Variants in TRPM3 observed in about 807,000 individuals in gnomAD.
TRPM3 encodes transient receptor potential cation channel subfamily M member 3, also known as long transient receptor potential channel 3.
A neutral mutation model predicts 181.2 loss-of-function variants in TRPM3; 77 were observed. The ratio of observed to expected loss-of-function variants is 0.42; its 90% CI spans 0.35 to 0.51. TRPM3 has a LOEUF of 0.51. Ranked by LOEUF, TRPM3 falls within the 20% of genes least tolerant of loss-of-function variation. TRPM3 has a pLI of 0.01. For missense variants in TRPM3, 1,759 were observed against 2,196.7 expected (o/e 0.80, Z 3.98); for synonymous variants, 745 against 796.4 (o/e 0.94, Z 1.09).
chr9:71,376,519 G>A (rs926374784), intron 1 of TRPM3, among the ~76,000 whole-genome samples: 1 of 151,848 alleles, frequency 6.6e-6, no homozygotes, highest in Admixed American at 6.6e-5. Context: ...TCCTAGTTAG[G>A]ATAATAGAAT....
chr9:71,302,341 A>C (rs925288161), intron 1 of TRPM3, among the ~76,000 whole-genome samples: 2 of 152,224 alleles, frequency 1.3e-5, no homozygotes, highest in African/African-American at 2.4e-5. Context: ...AGGCCAACAG[A>C]CTATTTGAGT....
At chr9:71,133,748 A>C (rs1274095732) in intron 1 of TRPM3, among the ~76,000 whole-genome samples, 1 of 152,310 alleles carries the variant, frequency 6.6e-6, no homozygotes, top group East Asian at 1.9e-4. Flanking sequence ...ATTTACAAGA[A>C]ATTTTTAACA....
intron 9 of TRPM3, among the ~76,000 whole-genome samples, chr9:70,660,786 T>A (rs897197173): frequency 4.0e-5 from 6 of 151,888 alleles, no homozygotes; most frequent in African/African-American, 1.5e-4. Flanking sequence ...CAAGATTGAA[T>A]AAGTATTAAA....
intron 1 of TRPM3, among the ~76,000 whole-genome samples, chr9:71,432,187 G>A (rs968169252): frequency 6.6e-6 from 1 of 152,064 alleles, no homozygotes; most frequent in Non-Finnish European, 1.5e-5. Context: ...GGACCATGAT[G>A]TTATCATACC....
intron 6 of TRPM3, among the ~76,000 whole-genome samples, chr9:70,813,565 C>T (rs2092363291): frequency 6.6e-6 from 1 of 152,116 alleles, no homozygotes; most frequent in Non-Finnish European, 1.5e-5. Context: ...TGTTCATTAT[C>T]TGGGGTGATG....
chr9:70,856,811 GT>G (rs1412868363), intron 3 of TRPM3, among the ~76,000 whole-genome samples: 1 of 152,196 alleles, frequency 6.6e-6, no homozygotes, highest in Admixed American at 6.5e-5. Flanking sequence ...AGAGAATTAT[GT>G]GGGTGACTTG....
intron 1 of TRPM3, among the ~76,000 whole-genome samples, chr9:71,106,942 A>G (rs2069737885): frequency 6.6e-6 from 1 of 152,122 alleles, no homozygotes; most frequent in Non-Finnish European, 1.5e-5. Flanking sequence ...GCAGTGGCTG[A>G]GCAATTCCCA....
chr9:70,675,144 G>A lies in TRPM3; in HGVS notation c.1345+6362C>T, dbSNP rs190012462. ...AGACAGAGTTTAGCTCTTGTCACCC[G>A]ATCTGGAGTGCAATGGCATGATCTC... On this transcript the variant is annotated intron_variant, in intron 9 of 25. Coordinates refer to ENST00000677713, the MANE Select transcript of TRPM3 (RefSeq NM_001366145.2). 5.3e-5 allele frequency among the ~76,000 whole-genome samples: 8 copies of A among 151,858 alleles called. No homozygotes were observed. The East Asian group carries it at 9.7e-4, about 18-fold the overall frequency.
At position 71,175,692 on chromosome 9, in the gene TRPM3, C is replaced by G. The variant is rs62546789; in HGVS notation, c.183+270961G>C. 3.2e-3 allele frequency among the ~76,000 whole-genome samples: 491 copies of G among 152,158 alleles called. 2 individuals carry two copies. Among genetic ancestry groups the G allele is most frequent in the Middle Eastern group, 0.01 (3 of 294 alleles). ...AGAAAGTCAGGTGACAGACGGGTCGCATAGGTTTTCAACATGGAGATCAAA... is the reference window on the plus strand; with the variant it reads ...AGAAAGTCAGGTGACAGACGGGTCGGATAGGTTTTCAACATGGAGATCAAA... On this transcript the variant is annotated intron_variant, in intron 1 of 24. Coordinates refer to the TRPM3 transcript ENST00000357533.
chr9:70,574,252 G>A (rs534808148), intron 22 of TRPM3, among the ~76,000 whole-genome samples: 13 of 152,216 alleles, frequency 8.5e-5, no homozygotes, highest in South Asian at 2.1e-4. Flanking sequence ...GCACAACTTG[G>A]CCCTGGTCTG....
intron 1 of TRPM3, among the ~76,000 whole-genome samples, chr9:71,335,163 G>A (rs10116060): frequency 4.0e-3 from 614 of 152,222 alleles, no homozygotes; most frequent in African/African-American, 0.014. Flanking sequence ...TAAGTTTGCA[G>A]GCATGAAACA....
At chr9:70,988,900 T>C (rs1408986524) in intron 1 of TRPM3, among the ~76,000 whole-genome samples, 1 of 152,150 alleles carries the variant, frequency 6.6e-6, no homozygotes, top group Non-Finnish European at 1.5e-5. Context: ...AAGGATTTCC[T>C]TTCCACACTA....
chr9:70,626,579 G>A (rs189478836), intron 12 of TRPM3, among the ~76,000 whole-genome samples: 1 of 152,286 alleles, frequency 6.6e-6, no homozygotes, highest in Admixed American at 6.5e-5. Context: ...GCTGGACTTT[G>A]TCTCACCTAC....
intron 19 of TRPM3, among the ~76,000 whole-genome samples, chr9:70,603,940 G>A (rs140574350): frequency 6.6e-6 from 1 of 152,304 alleles, no homozygotes; most frequent in Non-Finnish European, 1.5e-5. Flanking sequence ...CTGTAAATTG[G>A]TCAAACCAAC....
intron 25 of TRPM3, among the ~76,000 whole-genome samples, chr9:70,540,107 G>T (rs1419941387): frequency 6.6e-6 from 1 of 152,168 alleles, no homozygotes; most frequent in Admixed American, 6.5e-5. Flanking sequence ...CAAAGTGCTG[G>T]TATTACAGGC....
In TRPM3 at chr9:70,536,707, C is replaced by T. The variant is rs765032665; in HGVS notation, c.4406G>A (p.Arg1469Gln). Residue 1469 changes from arginine to glutamine, a missense_variant, in exon 26 of 26, where the codon CGG becomes CAG. Transcript: ENST00000677713. ...GGTGATGTCCTCAAAATCAATGCTC[C>T]GGCTTGGAGGTCTGTCTGTGGGTGC... is the stretch of plus-strand genomic sequence containing the variant. ...TLAPTDRPPS[R>Q]SIDFEDITSM... 3.7e-5 allele frequency: 60 copies of T among 1,613,996 alleles called. No homozygotes were observed. Among genetic ancestry groups the T allele is most frequent in the African/African-American group, 2.3e-4 (17 of 74,894 alleles).
chr9:70,625,151 G>A lies in TRPM3; in HGVS notation c.1809+40C>T, dbSNP rs1204978819. On this transcript the variant is annotated intron_variant, in intron 14 of 25. Coordinates refer to ENST00000677713, the MANE Select transcript of TRPM3 (RefSeq NM_001366145.2). The surrounding 1 kb of genome is among the most constrained non-coding windows in gnomAD (Gnocchi z 4.8). ...CACAACCCAAATCCCATACACCCTA[G>A]TCCTCCCAGGAAGGGCCCCGAATTT... 6.2e-7 allele frequency: 1 copy of A among 1,611,964 alleles called. No homozygotes were observed. Among genetic ancestry groups the A allele is most frequent in the Admixed American group, 1.7e-5 (1 of 59,902 alleles).
chr9:71,051,777 C>T (rs145830864), intron 1 of TRPM3, among the ~76,000 whole-genome samples: 13 of 152,088 alleles, frequency 8.5e-5, no homozygotes, highest in East Asian at 1.9e-4. Flanking sequence ...TTTAATTTTA[C>T]GCCAATTAGT....
At chr9:71,004,179 G>C (rs1265140002) in intron 1 of TRPM3, among the ~76,000 whole-genome samples, 1 of 152,236 alleles carries the variant, frequency 6.6e-6, no homozygotes. Flanking sequence ...ACATGGATAA[G>C]ACTGGCCAGA....
Sources: allele counts gnomAD v4.1 joint callset (sites outside exome capture counted in the v4.1 genomes callset), GRCh38; gene constraint gnomAD v4.1.1; non-coding constraint Gnocchi (gnomAD v3.1); transcripts MANE v1.5; gene names NCBI Gene and HGNC (gene_info 2026-07-23, HGNC 2026-07-21).